Variants in FTCDNL1 observed in about 807,000 individuals in gnomAD.
FTCDNL1 encodes the protein formiminotransferase cyclodeaminase N-terminal like, also known as formiminotransferase N-terminal subdomain-containing protein.
Under a neutral mutation model 5.9 loss-of-function variants are expected in FTCDNL1, and 11 were observed. That is an observed-to-expected ratio of 1.87 (90% confidence interval 1.18 to 3.10). FTCDNL1 has a LOEUF of 3.10. Ranked by LOEUF, FTCDNL1 falls within the 30% of genes most tolerant of loss-of-function variation. The pLI, the probability that FTCDNL1 is intolerant of heterozygous loss-of-function variation, is 0.00. For synonymous variants in FTCDNL1, 58 were observed against 24.8 expected, an observed-to-expected ratio of 2.34 and a Z score of -3.99; for missense variants, 115 against 65.5, an observed-to-expected ratio of 1.76 and a Z score of -2.61.
the FTCDNL1 span, among the ~76,000 whole-genome samples, chr2:199,665,241 C>A: frequency 6.6e-6 from 1 of 152,166 alleles, no homozygotes; most frequent in Non-Finnish European, 1.5e-5. Flanking sequence ...TACACCTTTG[C>A]TTCAGCCTCC....
the FTCDNL1 span, among the ~76,000 whole-genome samples, chr2:199,709,888 C>T: frequency 3.4e-5 from 5 of 148,466 alleles, no homozygotes; most frequent in African/African-American, 1.0e-4. Flanking sequence ...GTCACAATAC[C>T]TCTTTTGTAG....
rs75777794 is a variant in FTCDNL1 at position 199,849,494 on chromosome 2, T to C, written c.-7-525A>G. Among the ~76,000 whole-genome samples the C allele has an allele frequency of 2.2e-3, 338 of 152,362 alleles. 2 individuals carry two copies. Among genetic ancestry groups the C allele is most frequent in the African/African-American group, 7.6e-3 (317 of 41,590 alleles). On this transcript the variant is annotated intron_variant, in intron 1 of 4. Transcript: ENST00000420128. ...TATACAAATAAATAAGGAAGCCATT[T>C]GGATGGTTTACATGACAATTGTCTA...
the FTCDNL1 span, among the ~76,000 whole-genome samples, chr2:199,743,200 C>A: frequency 7.9e-4 from 121 of 152,248 alleles, no homozygotes; most frequent in African/African-American, 2.6e-3. Context: ...CCTGTAGTCT[C>A]CTCTCTACAG....
At chr2:199,725,458 T>C in the FTCDNL1 span, among the ~76,000 whole-genome samples, 1 of 152,200 alleles carries the variant, frequency 6.6e-6, no homozygotes, top group Non-Finnish European at 1.5e-5. Context: ...TTCAGACTTG[T>C]TAATGTAGTT....
Position 199,816,128 on chromosome 2 carries a change from T to C in FTCDNL1, c.398-3404A>G, listed in dbSNP as rs535617943. On this transcript the variant is annotated intron_variant, in intron 4 of 4. Coordinates refer to ENST00000420128, the MANE Select transcript of FTCDNL1 (RefSeq NM_001363886.2). ...AAGTCTTAAACTCTACTATCTGGTG[T>C]GAGGAATATTAGAAACTAATTGTTT... Among the ~76,000 whole-genome samples the C allele has an allele frequency of 1.2e-4, 19 of 152,340 alleles. No individual in the cohort carries two copies. In the South Asian group the frequency reaches 3.7e-3, roughly 30 times the overall value.
At chr2:199,672,312 CA>C in the FTCDNL1 span, among the ~76,000 whole-genome samples, 9 of 151,812 alleles carry the variant, frequency 5.9e-5, no homozygotes, top group East Asian at 3.9e-4. Flanking sequence ...GGGATATACA[CA>C]AAAAAATGGG....
At chr2:199,816,343 G>GA (rs1701351956) in intron 4 of FTCDNL1, among the ~76,000 whole-genome samples, 1 of 152,124 alleles carries the variant, frequency 6.6e-6, no homozygotes, top group Admixed American at 6.5e-5. Flanking sequence ...GCATATAGGG[G>GA]AAAAGCTGTG....
chr2:199,693,023 C>A, the FTCDNL1 span, among the ~76,000 whole-genome samples: 2 of 152,164 alleles, frequency 1.3e-5, no homozygotes, highest in East Asian at 1.9e-4. Context: ...CTGAACCAAG[C>A]CATTTCTTGC....
the FTCDNL1 span, among the ~76,000 whole-genome samples, chr2:199,713,751 T>A: frequency 6.6e-6 from 1 of 152,234 alleles, no homozygotes; most frequent in Non-Finnish European, 1.5e-5. Flanking sequence ...TTAGCTATAT[T>A]TGAAAGTAAG....
chr2:199,794,881 CTCAAAT>C (rs1005973711), intron 3 of FTCDNL1, among the ~76,000 whole-genome samples: 2 of 152,114 alleles, frequency 1.3e-5, no homozygotes, highest in Non-Finnish European at 2.9e-5. Flanking sequence ...GAGATCCTGT[CTCAAAT>C]ACTACTATTA....
the FTCDNL1 span, among the ~76,000 whole-genome samples, chr2:199,753,198 A>G: frequency 1.3e-5 from 2 of 152,230 alleles, no homozygotes. Context: ...GTATAAGGTT[A>G]TAAGAGGTAT....
At chr2:199,682,105 T>C in the FTCDNL1 span, among the ~76,000 whole-genome samples, 2 of 152,232 alleles carry the variant, frequency 1.3e-5, no homozygotes, top group African/African-American at 4.8e-5. Flanking sequence ...AACACTATTC[T>C]GGATGTTTCT....
chr2:199,742,061 C>T, the FTCDNL1 span, among the ~76,000 whole-genome samples: 2 of 151,708 alleles, frequency 1.3e-5, no homozygotes, highest in African/African-American at 4.8e-5. Flanking sequence ...GCAGACCCAA[C>T]TATTTGCTAT....
At chr2:199,697,088 C>G in the FTCDNL1 span, among the ~76,000 whole-genome samples, 6 of 152,030 alleles carry the variant, frequency 3.9e-5, no homozygotes, top group African/African-American at 1.2e-4. Context: ...CTGGCTAACA[C>G]GGTGAAACCC....
At chr2:199,817,864 C>G (rs920687847) in intron 4 of FTCDNL1, among the ~76,000 whole-genome samples, 5 of 152,060 alleles carry the variant, frequency 3.3e-5, no homozygotes, top group Admixed American at 6.6e-5. Flanking sequence ...CAACCACAGG[C>G]AGGTGATAGA....
the FTCDNL1 span, among the ~76,000 whole-genome samples, chr2:199,696,066 C>T: frequency 1.3e-5 from 2 of 152,300 alleles, no homozygotes; most frequent in East Asian, 1.9e-4. Flanking sequence ...ACCAGCAGAC[C>T]CTGCCTAGCC....
chr2:199,739,356 G>C, the FTCDNL1 span, among the ~76,000 whole-genome samples: 1 of 152,220 alleles, frequency 6.6e-6, no homozygotes, highest in African/African-American at 2.4e-5. Context: ...AATGTGTGCT[G>C]CGAATTTTTT....
intron 3 of FTCDNL1, among the ~76,000 whole-genome samples, chr2:199,838,216 G>A (rs1419980509): frequency 6.6e-6 from 1 of 152,180 alleles, no homozygotes; most frequent in Admixed American, 6.5e-5. Context: ...CTTGATAGAA[G>A]TACAGAAAAT....
chr2:199,700,644 A>G, the FTCDNL1 span, among the ~76,000 whole-genome samples: 1 of 152,216 alleles, frequency 6.6e-6, no homozygotes, highest in Non-Finnish European at 1.5e-5. Context: ...ACTTCAACCT[A>G]TACACTACAA....
Sources: gnomAD v4.1 joint callset for allele counts (sites outside exome capture counted in the v4.1 genomes callset) on GRCh38, gnomAD v4.1.1 for gene constraint, MANE v1.5 for transcripts, NCBI Gene and HGNC (gene_info 2026-07-23, HGNC 2026-07-21) for gene names.